OTOF: variants seen among roughly 807,000 people sequenced by gnomAD.
OTOF encodes otoferlin.
A neutral mutation model predicts 236.8 loss-of-function variants in OTOF; 218 were observed. That is an observed-to-expected ratio of 0.92 (90% CI 0.82 to 1.03). The LOEUF is 1.03. Ranked by LOEUF, OTOF falls within the 50% of genes least tolerant of loss-of-function variation. OTOF has a pLI of 0.00. For synonymous variants in OTOF, 1,041 were observed against 1,072.5 expected, an observed-to-expected ratio of 0.97 and a Z score of 0.57; for missense variants, 2,590 against 2,694.4, an observed-to-expected ratio of 0.96 and a Z score of 0.86.
chr2:26,501,722 G>A (rs1310783931), intron 8 of OTOF, 32 bp downstream of exon 8: 4 of 1,540,178 alleles, frequency 2.6e-6, no homozygotes, highest in Non-Finnish European at 3.6e-6. Context: ...AGCAGAGTCT[G>A]AAAGACATGA....
chr2:26,494,406 C>T (rs986234802), intron 9 of OTOF, among the ~76,000 whole-genome samples: 2 of 152,264 alleles, frequency 1.3e-5, no homozygotes, highest in African/African-American at 2.4e-5. Context: ...CCCACTAGCA[C>T]GCCAAGGGCG....
intron 8 of OTOF, 93 bp downstream of exon 8, chr2:26,501,661 C>G: frequency 3.4e-6 from 3 of 893,046 alleles, no homozygotes; most frequent in South Asian, 1.3e-5. Context: ...ACCCCTGGAT[C>G]CATGCCTCAG....
rs72853797 is a variant in OTOF at position 26,505,835 on chromosome 2, A to G, written c.510-1990T>C. On this transcript the variant is annotated intron_variant, in intron 5 of 46. Transcript: ENST00000272371. ...GTACAGGTATGGTCTGTGTGCCAGC[A>G]TAGTTTACAGATCAGGATGCTGTCA... Among the ~76,000 whole-genome samples, 384 of 152,364 alleles carry G rather than the reference A, an allele frequency of 2.5e-3. 1 individual carries two copies. Among genetic ancestry groups the G allele is most frequent in the African/African-American group, 8.3e-3 (347 of 41,584 alleles).
In OTOF at chr2:26,460,726, G is replaced by A. The variant is rs1664421076; in HGVS notation, c.5734C>T (p.His1912Tyr). 1 of 1,614,034 alleles carries A rather than the reference G, an allele frequency of 6.2e-7. No individual in the cohort carries two copies. Among genetic ancestry groups the A allele is most frequent in the African/African-American group, 1.3e-5 (1 of 75,022 alleles). ...ELTGKVEAEL[H>Y]LLTAEEAEKN... is the part of the protein sequence containing the mutation. ...TCTGCCTCCTCTGCTGTCAGTAAAT[G>A]CAGCTCAGCCTCCACCTTGCCCTGC... is the stretch of plus-strand genomic sequence containing the variant. Residue 1912 changes from histidine to tyrosine, a missense_variant, in exon 45 of 47, where the codon CAT becomes TAT. By Grantham distance (83) the His-to-Tyr change is moderately conservative. Transcript: ENST00000272371. This position sits in a 1 kb window ranked among gnomAD's most constrained non-coding sequence, Gnocchi z 5.3.
In OTOF at chr2:26,480,831, G is replaced by A. The variant is rs1355182665; in HGVS notation, c.1758C>T (p.Thr586=). ...GCTCCACCTGCACCTCTGTGGAGCT[G>A]GTGAGCTCAGGGTTGGAGGTGTCTA... ...EIVDTSNPEL[T]SSTEVQVEQA... Residue 586 remains threonine, a synonymous_variant, in exon 15 of 47, where the codon ACC becomes ACT. Transcript: ENST00000272371. 1.2e-6 allele frequency: 2 copies of A among 1,612,928 alleles called. No homozygotes were observed. Among genetic ancestry groups the A allele is most frequent in the South Asian group, 2.2e-5 (2 of 91,078 alleles).
chr2:26,467,023 G>A, intron 35 of OTOF, 76 bp downstream of exon 35: 1 of 1,583,884 alleles, frequency 6.3e-7, no homozygotes, highest in Non-Finnish European at 8.6e-7. Flanking sequence ...GGCAGTGGTG[G>A]GAGGTGAGTG....
intron 3 of OTOF, among the ~76,000 whole-genome samples, chr2:26,527,205 C>A (rs1055306959): frequency 6.6e-6 from 1 of 152,238 alleles, no homozygotes; most frequent in Admixed American, 6.5e-5. Flanking sequence ...ACCTGATACA[C>A]AATCGACGCT....
chr2:26,463,872 C>T (rs1664599063), intron 40 of OTOF, 92 bp downstream of exon 40: 3 of 1,539,492 alleles, frequency 1.9e-6, no homozygotes, highest in Admixed American at 1.7e-5. Flanking sequence ...CAGCGGACAG[C>T]GTGAGGCCTG....
Position 26,463,999 on chromosome 2 carries a change from G to C in OTOF, c.5068C>G (p.Pro1690Ala), listed in dbSNP as rs769551369. ...RLVPEHVETR[P>A]LLNPDKPGIE... is the part of the protein sequence containing the mutation. ...CCCGGCTTGTCGGGGTTGAGCAGCG[G>C]CCTCGTCTCCACATGCTCTGGCACC... The change falls in exon 40 of 47, where the codon CCG (proline) becomes GCG (alanine). Residue 1690 changes from proline (P) to alanine (A), a missense_variant. Physicochemically the swap from Pro to Ala is conservative, Grantham distance 27. This residue lies in a region of OTOF where 1,211 missense variants were observed against 1,352.8 expected (regional missense o/e 0.90). Transcript: ENST00000272371. 2 of 1,613,770 alleles carry C rather than the reference G, an allele frequency of 1.2e-6. No individual in the cohort carries two copies. Among genetic ancestry groups the C allele is most frequent in the East Asian group, 2.2e-5 (1 of 44,876 alleles).
Position 26,458,185 on chromosome 2 carries a change from G to A in OTOF, c.*53C>T, listed in dbSNP as rs1218602962. ...GATGAGGTACTTGATGGACTTGAGAGGGTTGAGGAACCAGACGAAGGCCGT... is the reference window on the plus strand; with the variant it reads ...GATGAGGTACTTGATGGACTTGAGAAGGTTGAGGAACCAGACGAAGGCCGT... On this transcript the variant is annotated 3_prime_UTR_variant, in exon 47 of 47. Coordinates refer to ENST00000272371, the MANE Select transcript of OTOF (RefSeq NM_194248.3). The A allele has an allele frequency of 6.2e-7, 1 of 1,611,616 alleles. No homozygotes were observed. Among genetic ancestry groups the A allele is most frequent in the Non-Finnish European group, 8.5e-7 (1 of 1,178,850 alleles).
chr2:26,552,091 TAAA>T (rs70950198), intron 1 of OTOF, among the ~76,000 whole-genome samples: 5 of 141,186 alleles, frequency 3.5e-5, no homozygotes, highest in Admixed American at 2.8e-4. Context: ...TATAAAAAGT[TAAA>T]AAAAAAAAAA....
rs1419225749 is a variant in OTOF at position 26,516,519 on chromosome 2, A to G, written c.408T>C (p.Asp136=). The G allele has an allele frequency of 1.9e-6, 3 of 1,613,364 alleles. No individual in the cohort carries two copies. Among genetic ancestry groups the G allele is most frequent in the East Asian group, 2.2e-5 (1 of 44,868 alleles). The part of the protein sequence containing the change: ...GSWDDGDFLG[D]ESLQEEEKDS... ...CCTTCTCTTCCTCTTGAAGAGACTCATCTCCCAGGAAGTCCCCATCGTCCC... is the reference window on the plus strand; with the variant it reads ...CCTTCTCTTCCTCTTGAAGAGACTCGTCTCCCAGGAAGTCCCCATCGTCCC... Residue 136 remains aspartate (D), a synonymous_variant, in exon 5 of 47, where the codon GAT becomes GAC. Transcript: ENST00000272371.
At chr2:26,489,855 G>T in intron 9 of OTOF, 115 bp from the exon 10 acceptor site, 2 of 807,296 alleles carry the variant, frequency 2.5e-6, no homozygotes, top group Non-Finnish European at 4.3e-6. Context: ...TTTGCCCTGA[G>T]CCCCAAAGTT....
rs200182894 is a variant in OTOF, at chr2:26,460,862, A to G, written c.5702T>C (p.Phe1901Ser). The G allele has an allele frequency of 7.7e-5, 125 of 1,613,988 alleles. No homozygotes were observed. Among genetic ancestry groups the G allele is most frequent in the Non-Finnish European group, 1.0e-4 (122 of 1,179,992 alleles). The change falls in exon 44 of 47, where the codon TTT becomes TCT. Residue 1901 changes from phenylalanine (F) to serine (S), a missense_variant. Phe to Ser is a radical substitution (Grantham distance 155, BLOSUM62 -2). Around this residue, in one of 2 missense-constraint regions of OTOF, gnomAD observed 1,211 missense variants for 1,352.8 expected, o/e 0.90. Coordinates refer to ENST00000272371, the MANE Select transcript of OTOF (RefSeq NM_194248.3). The surrounding 1 kb of genome is among the most constrained non-coding windows in gnomAD (Gnocchi z 5.3). ...PLLARNENDE[F>S]ELTGKVEAEL... The stretch of plus-strand genomic sequence containing the variant: ...GGAAGGGGTGCGCACCGTGAGCTCA[A>G]ACTCATCGTTCTCATTGCGGGCCAG...
At chr2:26,522,587 G>C (rs930199643) in intron 3 of OTOF, among the ~76,000 whole-genome samples, 1 of 152,248 alleles carries the variant, frequency 6.6e-6, no homozygotes, top group African/African-American at 2.4e-5. Context: ...GCATGGAGGA[G>C]CTGCCTGGGA....
intron 2 of OTOF, among the ~76,000 whole-genome samples, chr2:26,535,329 G>A (rs767439196): frequency 1.5e-4 from 23 of 152,270 alleles, no homozygotes; most frequent in African/African-American, 3.6e-4. Flanking sequence ...GCCTAATTTC[G>A]TCTGTGGATG....
At position 26,473,655 on chromosome 2, in the gene OTOF, A is replaced by G; in HGVS notation, c.3409-88T>C. ...GGGGTGCTGGACCATCCAATAGGGA[A>G]CCGGGCAGTGGGATGGGCAGTAGTT... is the stretch of plus-strand genomic sequence containing the variant. On this transcript the variant is annotated intron_variant, in intron 27 of 46. Coordinates refer to ENST00000272371, the MANE Select transcript of OTOF (RefSeq NM_194248.3). The surrounding 1 kb of genome is among the most constrained non-coding windows in gnomAD (Gnocchi z 7.2). 1 of 1,367,234 alleles carries G rather than the reference A, an allele frequency of 7.3e-7. No individual in the cohort carries two copies. Among genetic ancestry groups the G allele is most frequent in the Non-Finnish European group, 1.0e-6 (1 of 1,003,182 alleles). The allele number at this position is 1,367,234 out of a possible 1,614,324, so 84.7% of individuals were successfully genotyped here.
intron 32 of OTOF, among the ~76,000 whole-genome samples, chr2:26,469,497 A>T (rs1386283076): frequency 6.6e-6 from 1 of 152,222 alleles, no homozygotes; most frequent in Non-Finnish European, 1.5e-5. Flanking sequence ...TAGCTAAGGG[A>T]CTAGATTCTG....
rs1328864253 is a variant in OTOF at position 26,481,025 on chromosome 2, C to T, written c.1580-16G>A. 2 of 1,596,000 alleles carry T rather than the reference C, an allele frequency of 1.3e-6. No individual in the cohort carries two copies. Among genetic ancestry groups the T allele is most frequent in the African/African-American group, 1.3e-5 (1 of 74,718 alleles). ...GGCAGGAAGCCTGTGGCAGTGGGAACAAAAATGAGGGGGCAGCGTCACATC... is the reference window on the plus strand; with the variant it reads ...GGCAGGAAGCCTGTGGCAGTGGGAATAAAAATGAGGGGGCAGCGTCACATC... On this transcript the variant is annotated splice_polypyrimidine_tract_variant and intron_variant, in intron 14 of 46. Transcript: ENST00000272371.
Sources: allele counts gnomAD v4.1 joint callset (sites outside exome capture counted in the v4.1 genomes callset), GRCh38; gene constraint gnomAD v4.1.1; regional missense constraint gnomAD v4.1.1; non-coding constraint Gnocchi (gnomAD v3.1); transcripts MANE v1.5; gene names NCBI Gene and HGNC (gene_info 2026-07-23, HGNC 2026-07-21).